OR2AT4: variants seen among roughly 807,000 people sequenced by gnomAD.
OR2AT4 encodes the protein olfactory receptor family 2 subfamily AT member 4, also known as olfactory receptor 2AT4.
In OR2AT4, 6 loss-of-function variants were observed where a neutral mutation model predicts 10.3. The observed-to-expected ratio is 0.58, with a 90% CI of 0.32 to 1.15. The LOEUF is 1.15. OR2AT4 is among the 50% of genes most tolerant of loss of function. OR2AT4 has a pLI of 0.05. For synonymous variants in OR2AT4, 145 were observed against 159.1 expected, an observed-to-expected ratio of 0.91 and a Z score of 0.67; for missense variants, 354 against 393.8, an observed-to-expected ratio of 0.90 and a Z score of 0.85.
At chr11:75,088,892 G>A (rs757687412) in exon 2 of OR2AT4, 1 of 1,614,040 alleles carries the variant, frequency 6.2e-7, no homozygotes, top group South Asian at 1.1e-5. Context: ...TGATATGGAA[G>A]TCAAGGGGCA....
exon 2 of OR2AT4, chr11:75,089,734 C>G (rs1255038451): frequency 1.3e-6 from 2 of 1,592,244 alleles, no homozygotes; most frequent in African/African-American, 2.7e-5. Flanking sequence ...AGCTGGATTT[C>G]TCAGAGATGG....
exon 2 of OR2AT4, chr11:75,089,536 G>A (rs746290241): frequency 6.2e-7 from 1 of 1,613,996 alleles, no homozygotes; most frequent in Non-Finnish European, 8.5e-7. Context: ...GGCTTGTGGA[G>A]GCTGGGCTCT....
exon 2 of OR2AT4, chr11:75,089,273 A>G (rs1295128358): frequency 1.9e-6 from 3 of 1,614,052 alleles, no homozygotes; most frequent in Non-Finnish European, 1.7e-6. Flanking sequence ...CTGCCAAGGT[A>G]GCATTGGTCT....
rs1304831072 is a variant in OR2AT4, at chr11:75,096,727, TC to T, written c.-652+100del. The T allele has an allele frequency of 2.0e-5, 3 of 152,288 alleles. No homozygotes were observed. The East Asian group carries it at 5.8e-4, about 29-fold the overall frequency. The allele number at this position is 152,288 out of a possible 1,614,324, so 9.4% of individuals were successfully genotyped here. On this transcript the variant is annotated intron_variant, in intron 1 of 1. Transcript: ENST00000641504. ...TCCTGGGACCCTGACATTCCCAGGATCTTTACTGTGGTTGTACATGCCCCCA... is the reference window on the plus strand; with the variant it reads ...TCCTGGGACCCTGACATTCCCAGGATTTTACTGTGGTTGTACATGCCCCCA...
exon 2 of OR2AT4, chr11:75,089,237 G>A: frequency 6.2e-7 from 1 of 1,614,232 alleles, no homozygotes; most frequent in Non-Finnish European, 8.5e-7. Flanking sequence ...GGATGGGCAG[G>A]AGGAGGGCAG....
exon 2 of OR2AT4, chr11:75,087,915 G>C (rs1421224325): frequency 6.6e-6 from 1 of 152,110 alleles, no homozygotes; most frequent in African/African-American, 2.4e-5. Context: ...CCATCTTTAT[G>C]AGTTCACATT....
intron 1 of OR2AT4, among the ~76,000 whole-genome samples, chr11:75,095,028 T>C (rs747476858): frequency 5.3e-5 from 8 of 152,180 alleles, no homozygotes; most frequent in Non-Finnish European, 8.8e-5. Flanking sequence ...TTAGGCTGAA[T>C]TGGGGTTTGA....
chr11:75,091,608 C>A (rs1408985658), intron 1 of OR2AT4, among the ~76,000 whole-genome samples: 14 of 152,090 alleles, frequency 9.2e-5, no homozygotes, highest in Admixed American at 9.2e-4. Context: ...TAGAAAATGT[C>A]TAAAATTAAG....
chr11:75,089,821 G>C (rs1306997183), exon 2 of OR2AT4: 2 of 1,119,516 alleles, frequency 1.8e-6, no homozygotes, highest in Non-Finnish European at 2.6e-6. Context: ...ATGCTATAAT[G>C]TTTACTCTGT....
chr11:75,093,804 CTTTTTCTTTTTTTT>C (rs1949332267), intron 1 of OR2AT4, among the ~76,000 whole-genome samples: 1 of 88,352 alleles, frequency 1.1e-5, no homozygotes, highest in Non-Finnish European at 2.2e-5. Flanking sequence ...TTTTCTTTTT[CTTTTTCTTTTTTTT>C]TTTTTTTTTT....
exon 2 of OR2AT4, chr11:75,089,661 A>G: frequency 6.2e-7 from 1 of 1,613,778 alleles, no homozygotes; most frequent in Non-Finnish European, 8.5e-7. Context: ...GATGCCCAAT[A>G]GATAGAAGAC....
Position 75,082,585 on chromosome 11 carries a change from C to T in OR2AT4, c.*6166G>A, listed in dbSNP as rs541078512. ...AGATTAAAGATTTAAATGTAAAGATCTCAAAGTATAAGAATCCTAGAAGAA... is the reference window on the plus strand; with the variant it reads ...AGATTAAAGATTTAAATGTAAAGATTTCAAAGTATAAGAATCCTAGAAGAA... On this transcript the variant is annotated 3_prime_UTR_variant, in exon 2 of 2. Transcript: ENST00000641504. The T allele has an allele frequency of 9.2e-5, 14 of 152,140 alleles. No homozygotes were observed. The East Asian group carries it at 2.7e-3, about 29-fold the overall frequency. The allele number at this position is 152,140 out of a possible 1,614,324, so 9.4% of individuals were successfully genotyped here. A position where few individuals can be genotyped will look rare whatever the true frequency, so the allele number is the denominator to read the frequency against.
chr11:75,093,809 T>C (rs1565515302), intron 1 of OR2AT4, among the ~76,000 whole-genome samples: 1 of 76,548 alleles, frequency 1.3e-5, no homozygotes, highest in African/African-American at 7.3e-5. Context: ...TTTTTCTTTT[T>C]CTTTTTTTTT....
rs556380402 is a variant in OR2AT4 at position 75,093,810 on chromosome 11, C to CT, written c.-652+3017dup. ...TTTTCTTTTTTTTCTTTTTCTTTTTCTTTTTTTTTTTTTTTTTTTTTTTTT... is the reference window on the plus strand; with the variant it reads ...TTTTCTTTTTTTTCTTTTTCTTTTTCTTTTTTTTTTTTTTTTTTTTTTTTTT... On this transcript the variant is annotated intron_variant, in intron 1 of 1. Transcript: ENST00000641504. Among the ~76,000 whole-genome samples, 37 of 61,824 alleles carry CT rather than the reference C, an allele frequency of 6.0e-4. 1 individual carries two copies. The highest frequency in any genetic ancestry group is 1.0e-3 in the African/African-American group (15 of 14,528). The allele number at this position is 61,824 out of a possible 152,430, so 40.6% of individuals were successfully genotyped here. A position where few individuals can be genotyped will look rare whatever the true frequency, so the allele number is the denominator to read the frequency against.
chr11:75,089,507 G>C lies in OR2AT4; in HGVS notation c.207C>G (p.Ile69Met), dbSNP rs188886455. The C allele has an allele frequency of 2.0e-4, 326 of 1,614,044 alleles. 1 individual carries two copies. Among genetic ancestry groups the C allele is most frequent in the Non-Finnish European group, 2.7e-4 (319 of 1,180,022 alleles). ...AAAGGATGTCCAAGGTGGAGAGATT[G>C]ATCAGAAAGAAGTACATGGGCTTGT... Residue 69 changes from isoleucine (I) to methionine (M), a missense_variant, in exon 2 of 2, where the codon ATC (isoleucine) becomes ATG (methionine). Physicochemically the swap from Ile to Met is conservative, Grantham distance 10. Transcript: ENST00000641504.
At chr11:75,091,738 G>A (rs1949321332) in intron 1 of OR2AT4, among the ~76,000 whole-genome samples, 1 of 152,162 alleles carries the variant, frequency 6.6e-6, no homozygotes. Context: ...TACAGTGATT[G>A]TCTATGGGTG....
At chr11:75,089,236 G>C (rs1330208509) in exon 2 of OR2AT4, 2 of 1,614,228 alleles carry the variant, frequency 1.2e-6, no homozygotes, top group African/African-American at 1.3e-5. Flanking sequence ...GGGATGGGCA[G>C]GAGGAGGGCA....
chr11:75,091,336 C>G (rs1467555932), intron 1 of OR2AT4, among the ~76,000 whole-genome samples: 3 of 152,168 alleles, frequency 2.0e-5, no homozygotes, highest in African/African-American at 4.8e-5. Flanking sequence ...AGTTGACATA[C>G]AGATGATCCC....
Position 75,090,093 on chromosome 11 carries a change from G to C in OR2AT4, c.-380C>G, listed in dbSNP as rs985838006. On this transcript the variant is annotated 5_prime_UTR_variant, in exon 2 of 2. An upstream open reading frame in the 5' UTR gains an earlier in-frame stop. Coordinates refer to ENST00000641504, the Ensembl canonical transcript of OR2AT4. ...CAGTTGATTGTTGAATTATAATTGT[G>C]AAAGTGCTTTGGAAAGGCTTCTTCT... 2.2e-5 allele frequency: 4 copies of C among 184,636 alleles called. No homozygotes were observed. Among genetic ancestry groups the C allele is most frequent in the Non-Finnish European group, 4.5e-5 (4 of 88,282 alleles). 11.4% of individuals were successfully genotyped at this position (184,636 alleles called of 1,614,324 possible). A position where few individuals can be genotyped will look rare whatever the true frequency, so the allele number is the denominator to read the frequency against.
Sources: gnomAD v4.1 joint callset for allele counts (sites outside exome capture counted in the v4.1 genomes callset) on GRCh38, gnomAD v4.1.1 for gene constraint, MANE v1.5 for transcripts, NCBI Gene and HGNC (gene_info 2026-07-23, HGNC 2026-07-21) for gene names.